The following TNFRSF19 variants were observed in gnomAD, a reference collection of about 807,000 sequenced individuals.
TNFRSF19 encodes TNF receptor superfamily member 19.
TNFRSF19 carries 27 observed loss-of-function variants against 46.4 expected under a neutral mutation model. The ratio of observed to expected loss-of-function variants is 0.58; its 90% CI spans 0.43 to 0.80. The LOEUF is 0.80. Among genes scored for constraint, TNFRSF19 ranks in the 30% least tolerant of loss-of-function variants. The probability of loss-of-function intolerance (pLI) is 0.00; values close to 1 mark genes in which losing one functional copy is unlikely to be tolerated. For synonymous variants in TNFRSF19, 204 were observed against 205.0 expected, an observed-to-expected ratio of 1.00 and a Z score of 0.04; for missense variants, 511 against 530.8, an observed-to-expected ratio of 0.96 and a Z score of 0.37.
intron 1 of TNFRSF19, among the ~76,000 whole-genome samples, chr13:23,587,316 A>G (rs1192681982): frequency 6.6e-6 from 1 of 152,032 alleles, no homozygotes; most frequent in Non-Finnish European, 1.5e-5. Context: ...ATTTCATTCC[A>G]CTCCAGGAAA....
At chr13:23,628,724 G>T (rs1167734090) in intron 5 of TNFRSF19, among the ~76,000 whole-genome samples, 1 of 152,078 alleles carries the variant, frequency 6.6e-6, no homozygotes, top group Non-Finnish European at 1.5e-5. Flanking sequence ...TACTAATTTA[G>T]TGTTGGGTGA....
intron 1 of TNFRSF19, among the ~76,000 whole-genome samples, chr13:23,586,567 C>T (rs1286255807): frequency 6.6e-6 from 1 of 152,136 alleles, no homozygotes; most frequent in East Asian, 1.9e-4. Flanking sequence ...CAGTGCTCCC[C>T]TGTCTCGGCG....
At chr13:23,619,575 A>G (rs1421030310) in intron 4 of TNFRSF19, among the ~76,000 whole-genome samples, 3 of 152,134 alleles carry the variant, frequency 2.0e-5, no homozygotes, top group Admixed American at 2.0e-4. Context: ...AAAAAAAGGA[A>G]CGGTCTATAA....
intron 5 of TNFRSF19, among the ~76,000 whole-genome samples, chr13:23,637,300 G>C (rs1445251328): frequency 1.3e-5 from 2 of 152,186 alleles, no homozygotes; most frequent in African/African-American, 4.8e-5. Flanking sequence ...GCTCATGTAG[G>C]CTTCGCTGTG....
At chr13:23,632,238 T>TA (rs1305960142) in intron 5 of TNFRSF19, among the ~76,000 whole-genome samples, 4 of 152,192 alleles carry the variant, frequency 2.6e-5, no homozygotes, top group Non-Finnish European at 5.9e-5. Context: ...CAGCTGCTCT[T>TA]AAGGGGCCTT....
chr13:23,644,195 A>G (rs1883187974), intron 5 of TNFRSF19, among the ~76,000 whole-genome samples: 1 of 152,204 alleles, frequency 6.6e-6, no homozygotes. Flanking sequence ...CCATAGGGGA[A>G]AAGCTTGCAT....
chr13:23,665,549 C>T (rs1951612823), intron 7 of TNFRSF19, among the ~76,000 whole-genome samples: 2 of 150,404 alleles, frequency 1.3e-5, no homozygotes, highest in Admixed American at 1.3e-4. Context: ...AAAGAATTCC[C>T]ACATGTCCTT....
chr13:23,591,984 C>T (rs930468272), intron 2 of TNFRSF19, among the ~76,000 whole-genome samples: 1 of 152,028 alleles, frequency 6.6e-6, no homozygotes, highest in Non-Finnish European at 1.5e-5. Context: ...CTGGGCCTTC[C>T]AAGGTGCTAG....
chr13:23,595,500 A>C (rs1879655429), intron 3 of TNFRSF19, among the ~76,000 whole-genome samples: 1 of 152,226 alleles, frequency 6.6e-6, no homozygotes, highest in Non-Finnish European at 1.5e-5. Context: ...AGGCAGAAGA[A>C]AGGATATCAG....
At chr13:23,618,581 A>G (rs1729247536) in intron 4 of TNFRSF19, among the ~76,000 whole-genome samples, 1 of 152,246 alleles carries the variant, frequency 6.6e-6, no homozygotes, top group Admixed American at 6.5e-5. Flanking sequence ...CAAAGGGTAC[A>G]GCCAGGTTGG....
Position 23,657,972 on chromosome 13 carries a change from G to T in TNFRSF19, c.446-1078G>T, listed in dbSNP as rs143530897. Among the ~76,000 whole-genome samples, 367 of 152,286 alleles carry T rather than the reference G, an allele frequency of 2.4e-3. 1 individual carries two copies. Among genetic ancestry groups the T allele is most frequent in the African/African-American group, 8.6e-3 (359 of 41,554 alleles). ...GAGGCTCCTGTGGTGAGCAGCACCT[G>T]CCGGGGAAGCAGAGTGAGGGCCCCT... is the stretch of plus-strand genomic sequence containing the variant. On this transcript the variant is annotated intron_variant, in intron 5 of 9. Transcript: ENST00000248484.
At chr13:23,586,272 A>AG (rs1878830684) in intron 1 of TNFRSF19, among the ~76,000 whole-genome samples, 1 of 151,596 alleles carries the variant, frequency 6.6e-6, no homozygotes, top group East Asian at 2.0e-4. Flanking sequence ...AAAAAAAAAA[A>AG]AAAAGAAAAG....
At chr13:23,655,275 A>G (rs1003441013) in intron 5 of TNFRSF19, among the ~76,000 whole-genome samples, 1 of 152,226 alleles carries the variant, frequency 6.6e-6, no homozygotes. Context: ...AAGGAGATGC[A>G]TAATATAAAA....
At chr13:23,605,022 G>A (rs568395598) in intron 3 of TNFRSF19, among the ~76,000 whole-genome samples, 1 of 152,218 alleles carries the variant, frequency 6.6e-6, no homozygotes, top group South Asian at 2.1e-4. Flanking sequence ...TTGAGAGAAT[G>A]GAAATACAAG....
intron 5 of TNFRSF19, among the ~76,000 whole-genome samples, chr13:23,653,926 C>T (rs1272956790): frequency 6.6e-6 from 1 of 152,140 alleles, no homozygotes; most frequent in African/African-American, 2.4e-5. Flanking sequence ...GTGTGCCTGG[C>T]AGCTGGTTCT....
At chr13:23,623,364 G>A (rs956208291) in intron 4 of TNFRSF19, among the ~76,000 whole-genome samples, 2 of 152,140 alleles carry the variant, frequency 1.3e-5, no homozygotes, top group East Asian at 1.9e-4. Flanking sequence ...GGACATTTGG[G>A]TTTCTTCTGC....
chr13:23,616,393 C>T (rs1396833523), intron 4 of TNFRSF19, among the ~76,000 whole-genome samples: 1 of 152,148 alleles, frequency 6.6e-6, no homozygotes, highest in Non-Finnish European at 1.5e-5. Context: ...ACTGGCAATC[C>T]TCTGACAATG....
rs188419950 is a variant in TNFRSF19 at position 23,674,740 on chromosome 13, G to C, written c.*1360G>C. ...TGTTCGAGGGTACTATGATATTTTGGTTTGGAATTGCCCTGCCCAAGTCAC... is the reference window on the plus strand; with the variant it reads ...TGTTCGAGGGTACTATGATATTTTGCTTTGGAATTGCCCTGCCCAAGTCAC... On this transcript the variant is annotated 3_prime_UTR_variant, in exon 10 of 10. Coordinates refer to ENST00000248484, the MANE Select transcript of TNFRSF19 (RefSeq NM_148957.4). 1 of 152,148 alleles carries C rather than the reference G, an allele frequency of 6.6e-6. No individual in the cohort carries two copies. The highest frequency in any genetic ancestry group is 2.4e-5 in the African/African-American group (1 of 41,432). 9.4% of individuals were successfully genotyped at this position (152,148 alleles called of 1,614,324 possible).
intron 9 of TNFRSF19, chr13:23,669,664 A>G (rs1951723481): frequency 1.0e-6 from 1 of 985,064 alleles, no homozygotes; most frequent in Non-Finnish European, 1.2e-6. Flanking sequence ...TCTCAGGTGG[A>G]ATGGTTTAAG....
Sources: allele counts gnomAD v4.1 joint callset (sites outside exome capture counted in the v4.1 genomes callset), GRCh38; gene constraint gnomAD v4.1.1; transcripts MANE v1.5; gene names NCBI Gene and HGNC (gene_info 2026-07-23, HGNC 2026-07-21).